The following ABCC4 variants were observed in gnomAD, a reference collection of about 807,000 sequenced individuals.
ABCC4 encodes the protein ATP binding cassette subfamily C member 4 (PEL blood group).
Under a neutral mutation model 168.5 loss-of-function variants are expected in ABCC4, and 102 were observed. That is an observed-to-expected ratio of 0.61 (90% CI 0.52 to 0.71). ABCC4 has a LOEUF of 0.71. Ranked by LOEUF, ABCC4 falls within the 30% of genes least tolerant of loss-of-function variation. The pLI is 0.00. For missense variants in ABCC4, 1,402 were observed against 1,605.8 expected (o/e 0.87, Z 2.17); for synonymous variants, 617 against 590.7 (o/e 1.04, Z -0.65).
rs867523616 is a variant in ABCC4 at position 95,210,739 on chromosome 13, C to T, written c.574G>A (p.Gly192Ser). The T allele has an allele frequency of 6.2e-7, 1 of 1,614,042 alleles. No homozygotes were observed. The highest frequency in any genetic ancestry group is 1.3e-5 in the African/African-American group (1 of 74,926). Residue 192 changes from glycine (G) to serine (S), a missense_variant, in exon 5 of 31, where the codon GGC becomes AGC. By Grantham distance (56) the Gly-to-Ser change is moderately conservative (BLOSUM62 0). Coordinates refer to ENST00000645237, the MANE Select transcript of ABCC4 (RefSeq NM_005845.5). ...TTGGACAGCAGATTGACTATCTGGC[C>T]TGTGGTTGTCTTCCCCATGGCCATG... ...SNMAMGKTTT[G>S]QIVNLLSNDV...
chr13:95,244,644 A>AGAAAGAAAGAAG (rs1566563626), intron 3 of ABCC4, among the ~76,000 whole-genome samples: 2 of 38,460 alleles, frequency 5.2e-5, no homozygotes, highest in Non-Finnish European at 1.0e-4. Flanking sequence ...AAAGAAAGAA[A>AGAAAGAAAGAAG]GAAAGAAAGA....
intron 30 of ABCC4, among the ~76,000 whole-genome samples, chr13:95,023,705 G>A (rs2139191430): frequency 6.6e-6 from 1 of 152,336 alleles, no homozygotes; most frequent in East Asian, 1.9e-4. Flanking sequence ...TGGCCCCTAA[G>A]CACACAGAAC....
At chr13:95,244,670 A>AAAGAAAGAAAGAAATC (rs72377318) in intron 3 of ABCC4, among the ~76,000 whole-genome samples, 5 of 106,460 alleles carry the variant, frequency 4.7e-5, no homozygotes, top group East Asian at 2.5e-4. Flanking sequence ...AGAAAGAAAG[A>AAAGAAAGAAAGAAATC]AATCATAGCA....
At chr13:95,196,679 A>C (rs1246192506) in intron 8 of ABCC4, among the ~76,000 whole-genome samples, 5 of 51,762 alleles carry the variant, frequency 9.7e-5, no homozygotes, top group African/African-American at 3.4e-4. Flanking sequence ...GAAGGAAGGA[A>C]GGAAGGAAGG....
chr13:95,165,009 C>A (rs2037226057), intron 15 of ABCC4, among the ~76,000 whole-genome samples: 2 of 152,114 alleles, frequency 1.3e-5, no homozygotes, highest in South Asian at 4.2e-4. Context: ...ATGCACTAAT[C>A]CTTGGACCCA....
At chr13:95,237,457 G>A (rs930460406) in intron 3 of ABCC4, among the ~76,000 whole-genome samples, 6 of 152,188 alleles carry the variant, frequency 3.9e-5, no homozygotes, top group Admixed American at 2.0e-4. Context: ...ATGACCTGGT[G>A]AAGAGTCTTT....
chr13:95,246,910 T>C, intron 3 of ABCC4, 65 bp downstream of exon 3: 13 of 1,558,856 alleles, frequency 8.3e-6, no homozygotes, highest in Non-Finnish European at 1.1e-5. Flanking sequence ...ACAGCACCAG[T>C]CAATGGCGAG....
chr13:95,025,240 C>CCG (rs2031389373), intron 30 of ABCC4, among the ~76,000 whole-genome samples: 1 of 62,332 alleles, frequency 1.6e-5, no homozygotes, highest in African/African-American at 8.5e-5. Context: ...CACCCATACA[C>CCG]ACACACCCAC....
At chr13:95,210,912 C>A (rs183088974) in intron 4 of ABCC4, 131 bp from the exon 5 acceptor site, 17 of 602,844 alleles carry the variant, frequency 2.8e-5, no homozygotes, top group South Asian at 4.4e-5. Context: ...CCCACCCCCC[C>A]ACTGCCCCCT....
intron 13 of ABCC4, among the ~76,000 whole-genome samples, chr13:95,176,223 C>CGGCGGGGGGGGGGGGGGGGGGG (rs1491246023): frequency 9.5e-5 from 1 of 10,560 alleles, no homozygotes; most frequent in Admixed American, 1.9e-3. Flanking sequence ...AAGCCGAGGG[C>CGGCGGGGGGGGGGGGGGGGGGG]AGGGGGGGGG....
At chr13:95,076,879 G>T (rs1005195759) in intron 21 of ABCC4, among the ~76,000 whole-genome samples, 2 of 151,192 alleles carry the variant, frequency 1.3e-5, no homozygotes, top group African/African-American at 4.9e-5. Flanking sequence ...CCCACCTCAG[G>T]CTCCCAAGTA....
At chr13:95,092,943 AGAGATGGAT>A (rs1566409946) in intron 20 of ABCC4, among the ~76,000 whole-genome samples, 1 of 152,174 alleles carries the variant, frequency 6.6e-6, no homozygotes, top group Non-Finnish European at 1.5e-5. Context: ...AAAACCTAGA[AGAGATGGAT>A]AAATTCCTGG....
chr13:95,209,330 A>C, intron 6 of ABCC4, 104 bp downstream of exon 6: 32 of 1,312,574 alleles, frequency 2.4e-5, no homozygotes, highest in Non-Finnish European at 3.1e-5. Flanking sequence ...TATGCAAGGA[A>C]GAGATAATAA....
intron 4 of ABCC4, among the ~76,000 whole-genome samples, chr13:95,216,877 G>A (rs4148465): frequency 0.75 from 113,311 of 151,984 alleles, 43,046 homozygotes; most frequent in Non-Finnish European, 0.84. Flanking sequence ...AAATTTGTAC[G>A]CCCTAGGAAA....
At chr13:95,259,733 G>A (rs537699183) in intron 1 of ABCC4, among the ~76,000 whole-genome samples, 3 of 152,232 alleles carry the variant, frequency 2.0e-5, no homozygotes, top group Non-Finnish European at 2.9e-5. Flanking sequence ...TTTTAGCCAC[G>A]TTAGCAAATG....
chr13:95,226,827 C>A (rs893826280), intron 4 of ABCC4, among the ~76,000 whole-genome samples: 1 of 152,178 alleles, frequency 6.6e-6, no homozygotes, highest in African/African-American at 2.4e-5. Flanking sequence ...TTTATACCTA[C>A]AAGTCCGAAG....
intron 20 of ABCC4, among the ~76,000 whole-genome samples, chr13:95,115,469 T>G (rs2035341600): frequency 6.7e-6 from 1 of 149,532 alleles, no homozygotes; most frequent in Non-Finnish European, 1.5e-5. Context: ...ATTACTAATC[T>G]TTTCTTTGTA....
At chr13:95,163,093 A>C in intron 18 of ABCC4, 29 bp downstream of exon 18, 1 of 1,529,808 alleles carries the variant, frequency 6.5e-7, no homozygotes, top group Non-Finnish European at 9.1e-7. Flanking sequence ...TCAGCCTCTC[A>C]TACAATACAC....
At chr13:95,231,465 C>A (rs2039620041) in intron 4 of ABCC4, among the ~76,000 whole-genome samples, 1 of 152,144 alleles carries the variant, frequency 6.6e-6, no homozygotes, top group Non-Finnish European at 1.5e-5. Context: ...CAACAGCCAA[C>A]CTGATTTCTG....
Sources: allele counts gnomAD v4.1 joint callset (sites outside exome capture counted in the v4.1 genomes callset), GRCh38; gene constraint gnomAD v4.1.1; transcripts MANE v1.5; gene names NCBI Gene and HGNC (gene_info 2026-07-23, HGNC 2026-07-21).